The following PRKN variants were observed in gnomAD, a reference collection of about 807,000 sequenced individuals.
PRKN encodes parkin RBR E3 ubiquitin protein ligase.
A neutral mutation model predicts 59.5 loss-of-function variants in PRKN; 56 were observed. The observed-to-expected ratio is 0.94, with a 90% confidence interval of 0.76 to 1.18. PRKN has a LOEUF of 1.18. PRKN is among the 50% of genes most tolerant of loss of function. PRKN has a pLI of 0.00. For synonymous variants in PRKN, 250 were observed against 222.1 expected (o/e 1.13, Z -1.12); for missense variants, 657 against 596.4 (o/e 1.10, Z -1.06).
rs1779185864 is a variant in PRKN, at chr6:161,531,028, T to C, written c.1083+17826A>G. Reference sequence around the variant, plus strand: ...AACATAGCACTCCACCATCTGATAATAATGTTTATTTTACCTGAATGCAAG... The same window carrying C: ...AACATAGCACTCCACCATCTGATAACAATGTTTATTTTACCTGAATGCAAG... On this transcript the variant is annotated intron_variant, in intron 9 of 11. Transcript: ENST00000366898. Among the ~76,000 whole-genome samples the C allele has an allele frequency of 2.0e-5, 3 of 152,352 alleles. No homozygotes were observed. In the South Asian group the frequency reaches 6.2e-4, roughly 32 times the overall value.
chr6:162,017,358 A>T (rs555493641), intron 5 of PRKN, among the ~76,000 whole-genome samples: 1 of 152,284 alleles, frequency 6.6e-6, no homozygotes, highest in South Asian at 2.1e-4. Context: ...GACCCTTACC[A>T]CATAGAAACT....
At chr6:161,776,144 T>C (rs1007589628) in intron 7 of PRKN, among the ~76,000 whole-genome samples, 1 of 152,176 alleles carries the variant, frequency 6.6e-6, no homozygotes, top group Non-Finnish European at 1.5e-5. Context: ...AGTAAGTGCA[T>C]TTTGCATAGT....
intron 7 of PRKN, among the ~76,000 whole-genome samples, chr6:161,676,642 C>T (rs1785097306): frequency 6.6e-6 from 1 of 152,198 alleles, no homozygotes; most frequent in Non-Finnish European, 1.5e-5. Context: ...ACCCTATGGC[C>T]TGCAAAATCC....
Position 161,373,886 on chromosome 6 carries a change from C to T in PRKN, c.1167+12908G>A, listed in dbSNP as rs1313571363. Among the ~76,000 whole-genome samples the T allele has an allele frequency of 6.6e-6, 1 of 152,198 alleles. No homozygotes were observed. The highest frequency in any genetic ancestry group is 2.4e-5 in the African/African-American group (1 of 41,464). On this transcript the variant is annotated intron_variant, in intron 10 of 11. Transcript: ENST00000366898. The surrounding 1 kb of genome is among the most constrained non-coding windows in gnomAD (Gnocchi z 4.8). ...CTGCACACCTCTCAGAAATGCTCCT[C>T]CTGGGGACACAGTCCTTCGATTCCC...
chr6:161,467,729 C>G lies in PRKN; in HGVS notation c.1084-80852G>C, dbSNP rs540046915. 5.7e-4 allele frequency among the ~76,000 whole-genome samples: 87 copies of G among 152,230 alleles called. No individual in the cohort carries two copies. The highest frequency in any genetic ancestry group is 2.0e-3 in the African/African-American group (83 of 41,530). ...CTCTTCTTCCTCAGTAACAGAACAC[C>G]AACTATGTGCCCAGCAAAATTCTAC... On this transcript the variant is annotated intron_variant, in intron 9 of 11. Coordinates refer to ENST00000366898, the MANE Select transcript of PRKN (RefSeq NM_004562.3). This position sits in a 1 kb window ranked among gnomAD's most constrained non-coding sequence, Gnocchi z 4.3.
At chr6:162,609,664 T>C (rs769172389) in intron 1 of PRKN, among the ~76,000 whole-genome samples, 14 of 152,216 alleles carry the variant, frequency 9.2e-5, no homozygotes, top group African/African-American at 2.4e-4. Flanking sequence ...TAAATTCTTA[T>C]TTTTAAATTT....
At chr6:161,854,454 GTCTAT>G (rs1368877899) in intron 6 of PRKN, among the ~76,000 whole-genome samples, 2 of 152,138 alleles carry the variant, frequency 1.3e-5, no homozygotes. Flanking sequence ...AATTTTTTCT[GTCTAT>G]TCAACCCACA....
rs57084261 is a variant in PRKN at position 161,612,718 on chromosome 6, C to CAA, written c.872-43304_872-43303dup. On this transcript the variant is annotated intron_variant, in intron 7 of 11. Transcript: ENST00000366898. ...CCTGGGTGACAGTCAGACTCCATCTCAAAAAAAAAAAAAAAAAAAAAAAGA... is the reference window on the plus strand; with the variant it reads ...CCTGGGTGACAGTCAGACTCCATCTCAAAAAAAAAAAAAAAAAAAAAAAAAGA... 6.8e-3 allele frequency among the ~76,000 whole-genome samples: 398 copies of CAA among 58,656 alleles called. 4 individuals carry two copies. The highest frequency in any genetic ancestry group is 8.0e-3 in the African/African-American group (118 of 14,752). 38.5% of individuals were successfully genotyped at this position (58,656 alleles called of 152,430 possible).
chr6:162,668,230 T>G (rs569423906), intron 1 of PRKN, among the ~76,000 whole-genome samples: 1 of 152,210 alleles, frequency 6.6e-6, no homozygotes, highest in African/African-American at 2.4e-5. Context: ...AAGCTCATAA[T>G]TGTAAGATTA....
intron 1 of PRKN, among the ~76,000 whole-genome samples, chr6:162,525,489 G>A (rs1208553733): frequency 1.3e-5 from 2 of 152,170 alleles, no homozygotes; most frequent in African/African-American, 4.8e-5. Context: ...CCTGCCCCGT[G>A]AGGCGTGGCC....
intron 2 of PRKN, among the ~76,000 whole-genome samples, chr6:162,318,079 A>G (rs954323436): frequency 6.6e-6 from 1 of 151,664 alleles, no homozygotes; most frequent in Non-Finnish European, 1.5e-5. Context: ...CCTGATTCCT[A>G]CCCCTCTCCA....
chr6:161,897,966 C>CAAAAAAAA lies in PRKN; in HGVS notation c.734+75328_734+75335dup, dbSNP rs55714271. ...TGGGTGACAGAGCGAGACTCCGTCT[C>CAAAAAAAA]AAAAAAAAAAAAAAAAAAGTCTCCC... is the stretch of plus-strand genomic sequence containing the variant. On this transcript the variant is annotated intron_variant, in intron 6 of 11. Coordinates refer to ENST00000366898, the MANE Select transcript of PRKN (RefSeq NM_004562.3). Among the ~76,000 whole-genome samples the CAAAAAAAA allele has an allele frequency of 8.4e-4, 32 of 38,292 alleles. 2 individuals carry two copies. Among genetic ancestry groups the CAAAAAAAA allele is most frequent in the East Asian group, 2.5e-3 (6 of 2,372 alleles). The allele number at this position is 38,292 out of a possible 152,430, so 25.1% of individuals were successfully genotyped here.
intron 1 of PRKN, among the ~76,000 whole-genome samples, chr6:162,710,747 G>A (rs1584096596): frequency 6.6e-6 from 1 of 152,126 alleles, no homozygotes; most frequent in South Asian, 2.1e-4. Flanking sequence ...CTGTTTGATG[G>A]AGCTACAAAG....
At chr6:162,008,813 A>C (rs1196016706) in intron 5 of PRKN, among the ~76,000 whole-genome samples, 1 of 152,176 alleles carries the variant, frequency 6.6e-6, no homozygotes, top group Admixed American at 6.5e-5. Context: ...CAATATTTGA[A>C]GGGGATTTTA....
intron 2 of PRKN, among the ~76,000 whole-genome samples, chr6:162,434,937 G>T (rs1454765531): frequency 1.4e-5 from 2 of 139,950 alleles, no homozygotes; most frequent in Admixed American, 1.4e-4. Flanking sequence ...ATCATCTTTG[G>T]GTTCAGAGCT....
chr6:161,643,423 T>C (rs1457876512), intron 7 of PRKN, among the ~76,000 whole-genome samples: 1 of 152,224 alleles, frequency 6.6e-6, no homozygotes, highest in Non-Finnish European at 1.5e-5. Flanking sequence ...GAGCCTCTTC[T>C]ATATACATTG....
At chr6:162,087,189 A>G (rs1779278673) in intron 4 of PRKN, among the ~76,000 whole-genome samples, 1 of 152,158 alleles carries the variant, frequency 6.6e-6, no homozygotes, top group Admixed American at 6.5e-5. Context: ...TGTAAGCACC[A>G]CTTACCTTTT....
intron 4 of PRKN, among the ~76,000 whole-genome samples, chr6:162,120,385 C>CATCATCATTTCT (rs1168194423): frequency 6.6e-6 from 1 of 152,186 alleles, no homozygotes; most frequent in East Asian, 1.9e-4. Flanking sequence ...TAGTCCTTGT[C>CATCATCATTTCT]ATCATCATTT....
intron 3 of PRKN, among the ~76,000 whole-genome samples, chr6:162,242,987 AC>A (rs1348293181): frequency 6.6e-6 from 1 of 151,960 alleles, no homozygotes; most frequent in African/African-American, 2.4e-5. Context: ...GATGCCTATT[AC>A]CCAAAGAGCT....
Sources: allele counts gnomAD v4.1 joint callset (sites outside exome capture counted in the v4.1 genomes callset), GRCh38; gene constraint gnomAD v4.1.1; non-coding constraint Gnocchi (gnomAD v3.1); transcripts MANE v1.5; gene names NCBI Gene and HGNC (gene_info 2026-07-23, HGNC 2026-07-21).